Variants in SORCS3 observed in about 807,000 individuals in gnomAD.
SORCS3 encodes the protein VPS10 domain-containing receptor SorCS3.
In SORCS3, 57 loss-of-function variants were observed where a neutral mutation model predicts 146.3. The ratio of observed to expected loss-of-function variants is 0.39; its 90% CI spans 0.31 to 0.49. The LOEUF is 0.49. Ranked by LOEUF, SORCS3 falls within the 20% of genes least tolerant of loss-of-function variation. The pLI, the probability that SORCS3 is intolerant of heterozygous loss-of-function variation, is 0.92. For missense variants in SORCS3, 1,341 were observed against 1,575.5 expected, an observed-to-expected ratio of 0.85 and a Z score of 2.52; for synonymous variants, 653 against 618.5, an observed-to-expected ratio of 1.06 and a Z score of -0.83.
intron 7 of SORCS3, among the ~76,000 whole-genome samples, chr10:105,123,435 T>C (rs2055949592): frequency 6.6e-6 from 1 of 152,220 alleles, no homozygotes; most frequent in African/African-American, 2.4e-5. Flanking sequence ...TGTACTTAAT[T>C]CCTCAAGCAA....
At chr10:105,213,102 A>G (rs962383679) in intron 17 of SORCS3, among the ~76,000 whole-genome samples, 1 of 152,236 alleles carries the variant, frequency 6.6e-6, no homozygotes, top group African/African-American at 2.4e-5. Context: ...ATTGCCTACC[A>G]TATGGACAAG....
At chr10:104,757,273 CA>C (rs1332715561) in intron 1 of SORCS3, among the ~76,000 whole-genome samples, 1 of 152,178 alleles carries the variant, frequency 6.6e-6, no homozygotes, top group Non-Finnish European at 1.5e-5. Context: ...CTTGGCAAAG[CA>C]AAGGCATTGG....
At chr10:104,744,805 T>A (rs1241163128) in intron 1 of SORCS3, among the ~76,000 whole-genome samples, 1 of 152,238 alleles carries the variant, frequency 6.6e-6, no homozygotes, top group East Asian at 1.9e-4. Context: ...CTCTGCAGGT[T>A]GCTGGTTGGG....
intron 1 of SORCS3, among the ~76,000 whole-genome samples, chr10:104,727,166 T>C (rs1802156321): frequency 1.3e-5 from 2 of 152,230 alleles, no homozygotes; most frequent in African/African-American, 4.8e-5. Flanking sequence ...GTGGTAGATG[T>C]TGAGATATTA....
At chr10:104,969,967 T>G (rs1008964365) in intron 3 of SORCS3, among the ~76,000 whole-genome samples, 1 of 152,146 alleles carries the variant, frequency 6.6e-6, no homozygotes, top group African/African-American at 2.4e-5. Context: ...TAAAATAAAG[T>G]TCATTTATGG....
intron 1 of SORCS3, among the ~76,000 whole-genome samples, chr10:104,723,378 T>C (rs1181941012): frequency 3.9e-5 from 6 of 152,242 alleles, no homozygotes; most frequent in East Asian, 1.9e-4. Context: ...TTACATTTGC[T>C]GAGGAGTGTT....
intron 3 of SORCS3, among the ~76,000 whole-genome samples, chr10:104,950,224 G>A (rs1396126558): frequency 6.6e-6 from 1 of 152,166 alleles, no homozygotes; most frequent in Non-Finnish European, 1.5e-5. Context: ...ATAAAGCCAT[G>A]TGTGATCACT....
chr10:104,842,328 C>T (rs923689262), intron 1 of SORCS3, among the ~76,000 whole-genome samples: 1 of 152,212 alleles, frequency 6.6e-6, no homozygotes, highest in Non-Finnish European at 1.5e-5. Context: ...AACACAAAAT[C>T]TCTTTGAACC....
Position 104,748,306 on chromosome 10 carries a change from T to G in SORCS3, c.628-94486T>G, listed in dbSNP as rs551550274. 2.0e-5 allele frequency among the ~76,000 whole-genome samples: 3 copies of G among 152,306 alleles called. No individual in the cohort carries two copies. The South Asian group carries it at 6.2e-4, about 32-fold the overall frequency. Reference sequence around the variant, plus strand: ...AACTATTAGATCTTATTTTGGTTATTTATATCAGCCACAGCAGTTGTAGCA... The same window carrying G: ...AACTATTAGATCTTATTTTGGTTATGTATATCAGCCACAGCAGTTGTAGCA... On this transcript the variant is annotated intron_variant, in intron 1 of 26. Transcript: ENST00000369701.
intron 16 of SORCS3, among the ~76,000 whole-genome samples, chr10:105,207,608 A>G (rs1183439250): frequency 1.3e-5 from 2 of 152,210 alleles, no homozygotes; most frequent in African/African-American, 4.8e-5. Flanking sequence ...TTGTTTTTCT[A>G]AATCATGCAG....
At chr10:105,057,593 T>C (rs2055453971) in intron 5 of SORCS3, among the ~76,000 whole-genome samples, 1 of 152,188 alleles carries the variant, frequency 6.6e-6, no homozygotes, top group Admixed American at 6.5e-5. Context: ...CACACTCACA[T>C]GGACATGATT....
intron 3 of SORCS3, among the ~76,000 whole-genome samples, chr10:104,973,907 G>A (rs1047835810): frequency 5.9e-5 from 9 of 151,656 alleles, no homozygotes; most frequent in Admixed American, 6.6e-5. Context: ...CTTTGTTCTC[G>A]TTGGTTTCAA....
intron 1 of SORCS3, among the ~76,000 whole-genome samples, chr10:104,802,945 A>G (rs2017640180): frequency 6.6e-6 from 1 of 152,178 alleles, no homozygotes; most frequent in South Asian, 2.1e-4. Context: ...TCCAATGTCC[A>G]GGTGTAGATG....
At chr10:105,027,802 G>T (rs371586192) in intron 4 of SORCS3, among the ~76,000 whole-genome samples, 2 of 152,142 alleles carry the variant, frequency 1.3e-5, no homozygotes, top group East Asian at 1.9e-4. Flanking sequence ...GTGCTGAAGG[G>T]CTTCCTAGTG....
chr10:105,161,882 C>T (rs1425493939), intron 11 of SORCS3, among the ~76,000 whole-genome samples: 1 of 152,148 alleles, frequency 6.6e-6, no homozygotes, highest in African/African-American at 2.4e-5. Flanking sequence ...TTCAGCCAGA[C>T]CCGTCTCTGA....
At chr10:105,233,330 CATA>C (rs2056775346) in intron 20 of SORCS3, among the ~76,000 whole-genome samples, 1 of 152,066 alleles carries the variant, frequency 6.6e-6, no homozygotes, top group Non-Finnish European at 1.5e-5. Flanking sequence ...CATAAGTATA[CATA>C]ATCAAATACC....
chr10:104,975,719 A>T (rs2054892629), intron 3 of SORCS3, among the ~76,000 whole-genome samples: 1 of 152,234 alleles, frequency 6.6e-6, no homozygotes, highest in South Asian at 2.1e-4. Context: ...AGAGATATAG[A>T]TCAATGGAAC....
At chr10:104,918,677 C>T (rs2019057030) in intron 3 of SORCS3, among the ~76,000 whole-genome samples, 1 of 152,156 alleles carries the variant, frequency 6.6e-6, no homozygotes, top group Non-Finnish European at 1.5e-5. Flanking sequence ...TAATTTAGTG[C>T]TCCTCCCATC....
intron 1 of SORCS3, among the ~76,000 whole-genome samples, chr10:104,646,595 G>A (rs2015498196): frequency 6.6e-6 from 1 of 152,212 alleles, no homozygotes; most frequent in Admixed American, 6.5e-5. Context: ...TCCAAGGCTA[G>A]GTATAGATTG....
Sources: gnomAD v4.1 joint callset for allele counts (sites outside exome capture counted in the v4.1 genomes callset) on GRCh38, gnomAD v4.1.1 for gene constraint, MANE v1.5 for transcripts, NCBI Gene and HGNC (gene_info 2026-07-23, HGNC 2026-07-21) for gene names.